DEAF1: variants seen among roughly 807,000 people sequenced by gnomAD.
DEAF1 encodes DEAF1 transcription factor.
In DEAF1, 53 loss-of-function variants were observed where a neutral mutation model predicts 58.9. The ratio of observed to expected loss-of-function variants is 0.90; its 90% confidence interval spans 0.72 to 1.13. The LOEUF (loss-of-function observed/expected upper bound fraction) is 1.13. Among genes scored for constraint, DEAF1 ranks in the 50% most tolerant of loss-of-function variants. The probability of loss-of-function intolerance (pLI) is 0.00; values close to 1 mark genes in which losing one functional copy is unlikely to be tolerated. For missense variants in DEAF1, 685 were observed against 791.4 expected, an observed-to-expected ratio of 0.87 and a Z score of 1.61; for synonymous variants, 385 against 340.4, an observed-to-expected ratio of 1.13 and a Z score of -1.44.
chr11:686,452 A>G (rs1329760218), intron 5 of DEAF1, among the ~76,000 whole-genome samples: 1 of 152,228 alleles, frequency 6.6e-6, no homozygotes, highest in Non-Finnish European at 1.5e-5. Flanking sequence ...AAACTGGAAT[A>G]GGAATTAGAA....
intron 1 of DEAF1, chr11:702,838 T>C (rs969585590): frequency 8.1e-6 from 9 of 1,111,798 alleles, no homozygotes; most frequent in South Asian, 1.7e-5. Flanking sequence ...CGGAGGAACG[T>C]AGGGCAAGGA....
chr11:701,966 A>G (rs755468438), intron 1 of DEAF1, among the ~76,000 whole-genome samples: 6 of 152,168 alleles, frequency 3.9e-5, no homozygotes, highest in Non-Finnish European at 7.3e-5. Context: ...TAACATGTGC[A>G]CCTAAACACA....
chr11:694,962 G>GGC lies in DEAF1; in HGVS notation c.85_86insGC (p.Ala29GlyfsTer15). 1 of 1,089,714 alleles carries GGC rather than the reference G, an allele frequency of 9.2e-7. No individual in the cohort carries two copies. The allele number at this position is 1,089,714 out of a possible 1,614,324, so 67.5% of individuals were successfully genotyped here. A position where few individuals can be genotyped will look rare whatever the true frequency, so the allele number is the denominator to read the frequency against. On this transcript the variant is annotated frameshift_variant, in exon 1 of 12. Coordinates refer to ENST00000382409, the MANE Select transcript of DEAF1 (RefSeq NM_021008.4). LOFTEE classifies it high-confidence loss of function. ...CGCCTCGCCTCCTGCCGCGGCCGCG[G>GGC]CCGCCGCCGCCACAGCGGCCGCGGC...
chr11:646,129 T>G (rs1858483096), intron 11 of DEAF1, among the ~76,000 whole-genome samples: 1 of 151,530 alleles, frequency 6.6e-6, no homozygotes, highest in Non-Finnish European at 1.5e-5. Flanking sequence ...CATGCGCACC[T>G]GCAATCTCAG....
intron 10 of DEAF1, among the ~76,000 whole-genome samples, chr11:657,399 G>A (rs1446954519): frequency 6.6e-6 from 1 of 152,192 alleles, no homozygotes; most frequent in Admixed American, 6.5e-5. Context: ...CTAGGGCCAA[G>A]GACAGATGGT....
rs368628431 is a variant in DEAF1, at chr11:674,639, G to A, written c.1400C>T (p.Ala467Val). The A allele has an allele frequency of 7.4e-6, 12 of 1,613,996 alleles. No individual in the cohort carries two copies. Among genetic ancestry groups the A allele is most frequent in the Middle Eastern group, 1.6e-4 (1 of 6,084 alleles). The change falls in exon 10 of 12, where the codon GCG (alanine) becomes GTG (valine). Residue 467 changes from alanine to valine, a missense_variant. Physicochemically the swap from Ala to Val is moderately conservative, Grantham distance 64. Coordinates refer to ENST00000382409, the MANE Select transcript of DEAF1 (RefSeq NM_021008.4). ...CTCAAACAGCGTCTTCAGCTGCTGC[G>A]CTGTGTTGAGCAAGGAGTTGACCAT... ...EEMVNSLLNT[A>V]QQLKTLFEQA...
chr11:660,548 G>A (rs527873656), intron 10 of DEAF1, among the ~76,000 whole-genome samples: 58 of 152,342 alleles, frequency 3.8e-4, no homozygotes, highest in South Asian at 1.9e-3. Context: ...CTGCATTTCC[G>A]GGGGCTTCCA....
intron 9 of DEAF1, among the ~76,000 whole-genome samples, chr11:676,984 G>T (rs1343633077): frequency 6.6e-6 from 1 of 151,820 alleles, no homozygotes; most frequent in Admixed American, 6.6e-5. Context: ...GGCACCTGGG[G>T]ACAGAGATCC....
intron 10 of DEAF1, among the ~76,000 whole-genome samples, chr11:665,107 C>T (rs370332181): frequency 1.6e-5 from 2 of 125,200 alleles, no homozygotes; most frequent in East Asian, 2.7e-4. Context: ...CTATTCACAC[C>T]GAGAGGAGGA....
At chr11:645,972 G>T (rs907038092) in intron 11 of DEAF1, among the ~76,000 whole-genome samples, 5 of 152,114 alleles carry the variant, frequency 3.3e-5, no homozygotes, top group Admixed American at 2.0e-4. Flanking sequence ...GCAAAATTAG[G>T]CCGGGCGCAG....
At chr11:695,977 C>T, upstream of DEAF1, 1 of 732,928 alleles carries the variant, frequency 1.4e-6, no homozygotes, top group Non-Finnish European at 1.9e-6. Context: ...AGCGAGACAG[C>T]TCCGTCACCC....
chr11:681,053 G>A lies in DEAF1; in HGVS notation c.907C>T (p.Arg303Cys). The A allele has an allele frequency of 6.2e-7, 1 of 1,614,074 alleles. No individual in the cohort carries two copies. Among genetic ancestry groups the A allele is most frequent in the Non-Finnish European group, 8.5e-7 (1 of 1,180,020 alleles). ...GTGGGCAGTTCATTCTCCTTCTTGCGCCTTTTGTAAGGCACAAAAAGCCTG... is the reference window on the plus strand; with the variant it reads ...GTGGGCAGTTCATTCTCCTTCTTGCACCTTTTGTAAGGCACAAAAAGCCTG... Reference protein sequence around the residue: ...PVRLFVPYKRRKKENELPTTP... With the variant: ...PVRLFVPYKRCKKENELPTTP... The change falls in exon 7 of 12, where the codon CGC becomes TGC. Residue 303 changes from arginine to cysteine, a missense_variant. Arg to Cys is a radical substitution (Grantham distance 180). Around this residue, in one of 3 missense-constraint regions of DEAF1, gnomAD observed 343 missense variants for 379.8 expected, o/e 0.90. Coordinates refer to ENST00000382409, the MANE Select transcript of DEAF1 (RefSeq NM_021008.4).
chr11:703,828 G>A, intron 1 of DEAF1: 1 of 1,234,856 alleles, frequency 8.1e-7, no homozygotes, highest in Non-Finnish European at 1.0e-6. Context: ...CAGGGCTAAG[G>A]CCGGGGATGA....
At chr11:653,941 C>A in intron 11 of DEAF1, 21 bp downstream of exon 11, 1 of 1,611,758 alleles carries the variant, frequency 6.2e-7, no homozygotes, top group Admixed American at 1.7e-5. Context: ...GGGCACTGAG[C>A]CTGGTGTAGG....
intron 11 of DEAF1, among the ~76,000 whole-genome samples, chr11:652,817 T>G (rs1014779280): frequency 5.9e-5 from 9 of 151,738 alleles, no homozygotes; most frequent in Non-Finnish European, 1.5e-5. Flanking sequence ...GAACAGTAGC[T>G]CACACCTCTA....
At chr11:689,196 CTTTTTCTT>C (rs1860725614) in intron 2 of DEAF1, among the ~76,000 whole-genome samples, 4 of 135,750 alleles carry the variant, frequency 2.9e-5, no homozygotes, top group Admixed American at 8.0e-5. Context: ...TTCTTTTTTT[CTTTTTCTT>C]TTTTTTTTTT....
At position 686,930 on chromosome 11, in the gene DEAF1, T is replaced by C. The variant is rs762520112; in HGVS notation, c.732A>G (p.Ala244=). The change falls in exon 5 of 12, where the codon GCA becomes GCG. Residue 244 remains alanine, a synonymous_variant. Coordinates refer to ENST00000382409, the MANE Select transcript of DEAF1 (RefSeq NM_021008.4). ...WYSPTEFEAM[A]GRASSKDWKR... The stretch of plus-strand genomic sequence containing the variant: ...TCCAGTCCTTACTGCTGGCTCTTCC[T>C]GCCATGGCCTCAAACTCGGTGGGAC... The C allele has an allele frequency of 8.7e-6, 14 of 1,614,210 alleles. No homozygotes were observed. In the South Asian group the frequency reaches 1.5e-4, roughly 18 times the overall value.
intron 10 of DEAF1, among the ~76,000 whole-genome samples, chr11:660,307 C>T (rs1859265910): frequency 6.6e-6 from 1 of 152,208 alleles, no homozygotes; most frequent in African/African-American, 2.4e-5. Context: ...GACCATGATA[C>T]AGATCTCTGA....
At chr11:704,725 G>A in intron 1 of DEAF1, 1 of 1,143,776 alleles carries the variant, frequency 8.7e-7, no homozygotes, top group Non-Finnish European at 1.2e-6. Flanking sequence ...ATGGCTCCAG[G>A]TGACCCGGAG....
Sources: allele counts gnomAD v4.1 joint callset (sites outside exome capture counted in the v4.1 genomes callset), GRCh38; gene constraint gnomAD v4.1.1; regional missense constraint gnomAD v4.1.1; transcripts MANE v1.5; gene names NCBI Gene and HGNC (gene_info 2026-07-23, HGNC 2026-07-21).